The following KMT2E variants were observed in gnomAD, a reference collection of about 807,000 sequenced individuals.
The protein encoded by KMT2E is histone reader KMT2E.
A neutral mutation model predicts 184.6 loss-of-function variants in KMT2E; 30 were observed. That is an observed-to-expected ratio of 0.16 (90% CI 0.12 to 0.22). The LOEUF (loss-of-function observed/expected upper bound fraction) is 0.22, where lower values mean the gene tolerates loss of function less well. Ranked by LOEUF, KMT2E falls within the 10% of genes least tolerant of loss-of-function variation. KMT2E has a pLI of 1.00. For missense variants in KMT2E, 2,023 were observed against 2,237.4 expected, an observed-to-expected ratio of 0.90 and a Z score of 1.93; for synonymous variants, 815 against 776.5, an observed-to-expected ratio of 1.05 and a Z score of -0.82.
At chr7:105,078,112 A>G (rs1797606379) in intron 11 of KMT2E, among the ~76,000 whole-genome samples, 1 of 152,222 alleles carries the variant, frequency 6.6e-6, no homozygotes, top group Admixed American at 6.5e-5. Flanking sequence ...TTTACTTAAG[A>G]TATGAAAGAT....
intron 3 of KMT2E, among the ~76,000 whole-genome samples, chr7:105,044,968 T>C (rs1012677906): frequency 6.6e-6 from 1 of 152,222 alleles, no homozygotes; most frequent in African/African-American, 2.4e-5. Context: ...GCTCCCAGTA[T>C]CACCTGAAGG....
At chr7:105,085,132 A>G (rs547234101) in intron 13 of KMT2E, among the ~76,000 whole-genome samples, 5 of 148,102 alleles carry the variant, frequency 3.4e-5, no homozygotes, top group African/African-American at 1.3e-4. Flanking sequence ...TTTCCAATAT[A>G]TGTATTGAAA....
chr7:105,054,506 ATCTATCTATCTG>A (rs1381841511), intron 3 of KMT2E, among the ~76,000 whole-genome samples: 61 of 117,266 alleles, frequency 5.2e-4, no homozygotes, highest in Middle Eastern at 4.7e-3. Flanking sequence ...CTATCTATCT[ATCTATCTATCTG>A]TCTGTCTGTC....
intron 1 of KMT2E, among the ~76,000 whole-genome samples, chr7:105,020,454 G>A (rs962686321): frequency 1.1e-4 from 17 of 151,602 alleles, no homozygotes; most frequent in Non-Finnish European, 2.2e-4. Flanking sequence ...GCTTGGTGGC[G>A]GGTGCCTGTA....
At position 105,107,502 on chromosome 7, in the gene KMT2E, A is replaced by G; in HGVS notation, c.3045A>G (p.Gly1015=). The change falls in exon 22 of 27, where the codon GGA becomes GGG. Residue 1015 remains glycine, a synonymous_variant. Coordinates refer to ENST00000311117, the MANE Select transcript of KMT2E (RefSeq NM_182931.3). ...SRTEVNRQCP[G]EKEPVSDLQL... is the part of the protein sequence containing the mutation. ...CTGAAGTCAACAGGCAGTGTCCTGG[A>G]GAAAAGGAACCTGTGTCAGACCTTC... The G allele has an allele frequency of 3.1e-6, 5 of 1,614,194 alleles. No individual in the cohort carries two copies. Among genetic ancestry groups the G allele is most frequent in the Non-Finnish European group, 4.2e-6 (5 of 1,180,024 alleles).
intron 13 of KMT2E, among the ~76,000 whole-genome samples, chr7:105,084,009 T>C (rs760620295): frequency 6.6e-6 from 1 of 152,234 alleles, no homozygotes; most frequent in Admixed American, 6.5e-5. Context: ...GTCTTTCTTA[T>C]ATAGCACGCA....
chr7:105,112,798 C>G lies in KMT2E; in HGVS notation c.5042C>G (p.Pro1681Arg). Reference protein sequence around the residue: ...QTAGHHLPPPPPPPGPAPHHH... With the variant: ...QTAGHHLPPPRPPPGPAPHHH... ...GCTGGACACCACTTACCCCCACCCC[C>G]ACCCCCTCCTGGTCCTGCCCCTCAT... is the stretch of plus-strand genomic sequence containing the variant. Residue 1681 changes from proline to arginine, a missense_variant, in exon 27 of 27, where the codon CCA becomes CGA. Transcript: ENST00000311117. 1 of 1,597,834 alleles carries G rather than the reference C, an allele frequency of 6.3e-7. No homozygotes were observed. Among genetic ancestry groups the G allele is most frequent in the African/African-American group, 1.4e-5 (1 of 72,518 alleles).
At chr7:105,061,636 T>G (rs900576801) in intron 3 of KMT2E, among the ~76,000 whole-genome samples, 9 of 152,194 alleles carry the variant, frequency 5.9e-5, no homozygotes, top group African/African-American at 2.2e-4. Context: ...GATAGCTGTT[T>G]ATGTTTTTTT....
chr7:105,073,128 G>T (rs1797393046), intron 6 of KMT2E, among the ~76,000 whole-genome samples: 1 of 151,072 alleles, frequency 6.6e-6, no homozygotes, highest in Non-Finnish European at 1.5e-5. Context: ...TATTTTCTTG[G>T]CCATTCACTG....
At chr7:105,068,102 A>G (rs954520966) in intron 6 of KMT2E, among the ~76,000 whole-genome samples, 11 of 152,088 alleles carry the variant, frequency 7.2e-5, no homozygotes, top group Non-Finnish European at 4.4e-5. Context: ...CCTCCCTACC[A>G]TCCCTGGTTA....
intron 13 of KMT2E, among the ~76,000 whole-genome samples, chr7:105,082,191 C>T (rs1443943989): frequency 2.6e-5 from 4 of 152,006 alleles, no homozygotes; most frequent in Non-Finnish European, 4.4e-5. Flanking sequence ...ATTTTCTTTG[C>T]AGTATAAATT....
At chr7:105,032,359 G>A (rs1185861235) in intron 1 of KMT2E, among the ~76,000 whole-genome samples, 3 of 152,036 alleles carry the variant, frequency 2.0e-5, no homozygotes, top group Admixed American at 6.6e-5. Flanking sequence ...CAGGAATATC[G>A]CTTGAACCTG....
Position 105,078,842 on chromosome 7 carries a change from G to A in KMT2E, c.1131-4G>A. On this transcript the variant is annotated splice_region_variant and splice_polypyrimidine_tract_variant and intron_variant, in intron 11 of 26. Transcript: ENST00000311117. ...AATAGCTTATAATGTTTCTTTCTTT[G>A]TAGACCATACCCTTTTGTGTTATTC... The A allele has an allele frequency of 4.7e-6, 7 of 1,487,160 alleles. No individual in the cohort carries two copies. The highest frequency in any genetic ancestry group is 3.4e-4 in the Middle Eastern group (2 of 5,828). The allele number at this position is 1,487,160 out of a possible 1,614,324, so 92.1% of individuals were successfully genotyped here. A position where few individuals can be genotyped will look rare whatever the true frequency, so the allele number is the denominator to read the frequency against.
Position 105,111,915 on chromosome 7 carries a change from T to G in KMT2E, c.4159T>G (p.Ser1387Ala). 1 of 1,614,132 alleles carries G rather than the reference T, an allele frequency of 6.2e-7. No individual in the cohort carries two copies. The highest frequency in any genetic ancestry group is 2.2e-5 in the East Asian group (1 of 44,868). ...DPQWDSTVSA[S>A]EAENGVHLKT... ...CCAATGGGACTCCACAGTTAGTGCA[T>G]CCGAAGCTGAAAATGGTGTTCACCT... The change falls in exon 27 of 27, where the codon TCC becomes GCC. Residue 1387 changes from serine (S) to alanine (A), a missense_variant. Around this residue, in one of 8 missense-constraint regions of KMT2E, gnomAD observed 1,108 missense variants for 1,050.9 expected, o/e 1.05. Coordinates refer to ENST00000311117, the MANE Select transcript of KMT2E (RefSeq NM_182931.3).
intron 13 of KMT2E, among the ~76,000 whole-genome samples, chr7:105,087,729 G>A (rs1354570071): frequency 6.6e-6 from 1 of 151,582 alleles, no homozygotes; most frequent in Non-Finnish European, 1.5e-5. Flanking sequence ...CAGCCTCCCA[G>A]AGGTCTTTTT....
intron 3 of KMT2E, 45 bp downstream of exon 3, chr7:105,041,068 C>G: frequency 1.1e-6 from 1 of 937,012 alleles, no homozygotes; most frequent in Non-Finnish European, 1.6e-6. Flanking sequence ...AAAAAAAAAC[C>G]CTTCTGGAGC....
intron 5 of KMT2E, chr7:105,063,908 T>C: frequency 2.2e-6 from 1 of 452,950 alleles, no homozygotes; most frequent in South Asian, 1.7e-5. Context: ...GTCTTTTGTA[T>C]TTCCTTTGGA....
intron 15 of KMT2E, among the ~76,000 whole-genome samples, chr7:105,097,395 A>AT (rs1024165030): frequency 4.6e-5 from 7 of 151,474 alleles, no homozygotes; most frequent in Admixed American, 1.3e-4. Context: ...TATTTTTTTC[A>AT]TTTTTTTTGA....
rs1256437896 is a variant in KMT2E, at chr7:105,112,638, C to G, written c.4882C>G (p.Pro1628Ala). 1.2e-6 allele frequency: 2 copies of G among 1,613,916 alleles called. No individual in the cohort carries two copies. The highest frequency in any genetic ancestry group is 1.7e-6 in the Non-Finnish European group (2 of 1,179,958). Residue 1628 changes from proline to alanine, a missense_variant, in exon 27 of 27, where the codon CCT becomes GCT. By Grantham distance (27) the Pro-to-Ala change is conservative. This residue lies in a region of KMT2E where 1,108 missense variants were observed against 1,050.9 expected (regional missense o/e 1.05). Transcript: ENST00000311117. Reference sequence around the variant, plus strand: ...TCAAACTGCTGCTGCCGTAGTCCCCCCTCCTCCTCCACCACCACCTGCTCC... The same window carrying G: ...TCAAACTGCTGCTGCCGTAGTCCCCGCTCCTCCTCCACCACCACCTGCTCC... ...HHQTAAAVVP[P>A]PPPPPPAPGP... is the part of the protein sequence containing the mutation.
Sources: gnomAD v4.1 joint callset for allele counts (sites outside exome capture counted in the v4.1 genomes callset) on GRCh38, gnomAD v4.1.1 for gene constraint, gnomAD v4.1.1 regional missense constraint, MANE v1.5 for transcripts, NCBI Gene and HGNC (gene_info 2026-07-23, HGNC 2026-07-21) for gene names.